Variants in GPR158 observed in about 807,000 individuals in gnomAD.
The protein encoded by GPR158 is metabotropic glycine receptor.
In GPR158, 30 loss-of-function variants were observed where a neutral mutation model predicts 78.2. The ratio of observed to expected loss-of-function variants is 0.38; its 90% CI spans 0.29 to 0.52. The LOEUF is 0.52. Ranked by LOEUF, GPR158 falls within the 20% of genes least tolerant of loss-of-function variation. The pLI is 0.83. For synonymous variants in GPR158, 581 were observed against 591.1 expected (o/e 0.98, Z 0.25); for missense variants, 1,463 against 1,523.5 (o/e 0.96, Z 0.66).
At chr10:25,360,250 T>A (rs1051635986) in intron 2 of GPR158, among the ~76,000 whole-genome samples, 1 of 152,224 alleles carries the variant, frequency 6.6e-6, no homozygotes, top group African/African-American at 2.4e-5. Context: ...AGTTCTTTAG[T>A]TTAATTAGAT....
intron 2 of GPR158, among the ~76,000 whole-genome samples, chr10:25,249,702 G>C (rs1255026483): frequency 1.3e-5 from 2 of 151,944 alleles, no homozygotes; most frequent in South Asian, 4.2e-4. Context: ...TGTGCTGCTG[G>C]ATTCGGTTTG....
At chr10:25,255,772 G>A (rs1307922536) in intron 2 of GPR158, among the ~76,000 whole-genome samples, 1 of 152,102 alleles carries the variant, frequency 6.6e-6, no homozygotes, top group Non-Finnish European at 1.5e-5. Context: ...ATTAAGTTAG[G>A]CCATCCAGGA....
chr10:25,221,267 A>G (rs1367790379), intron 2 of GPR158, 110 bp downstream of exon 2: 4 of 609,458 alleles, frequency 6.6e-6, no homozygotes, highest in African/African-American at 5.6e-5. Flanking sequence ...AAGAAAATCT[A>G]TGTAGGTCTC....
chr10:25,509,428 A>T (rs1199670132), intron 5 of GPR158, among the ~76,000 whole-genome samples: 1 of 152,168 alleles, frequency 6.6e-6, no homozygotes, highest in Non-Finnish European at 1.5e-5. Flanking sequence ...CTGACAAGCT[A>T]CTGCAGAAAT....
intron 2 of GPR158, among the ~76,000 whole-genome samples, chr10:25,299,384 T>G (rs1373713799): frequency 6.6e-6 from 1 of 152,194 alleles, no homozygotes; most frequent in East Asian, 1.9e-4. Context: ...CTTTGACCAA[T>G]ATTGTCCTAT....
chr10:25,443,823 C>A (rs1835102023), intron 4 of GPR158, among the ~76,000 whole-genome samples: 1 of 151,984 alleles, frequency 6.6e-6, no homozygotes, highest in Non-Finnish European at 1.5e-5. Context: ...CCCATGTAGT[C>A]AGCTCCTGTT....
Position 25,282,277 on chromosome 10 carries a change from TATTC to T in GPR158, c.1008+61127_1008+61130del, listed in dbSNP as rs1226400243. The stretch of plus-strand genomic sequence containing the variant: ...CTTTTATTTATCATAATCCATGAGA[TATTC>T]ATTCATATTGTTGTATGTGTTAATA... On this transcript the variant is annotated intron_variant, in intron 2 of 10. Transcript: ENST00000376351. Among the ~76,000 whole-genome samples the T allele has an allele frequency of 4.2e-4, 64 of 152,320 alleles. 3 individuals are homozygous for T. The highest frequency in any genetic ancestry group is 1.5e-3 in the African/African-American group (63 of 41,586).
chr10:25,580,899 TA>T (rs1281983320), intron 7 of GPR158, among the ~76,000 whole-genome samples: 18 of 139,546 alleles, frequency 1.3e-4, no homozygotes, highest in Non-Finnish European at 1.4e-4. Flanking sequence ...CTAATTTTTT[TA>T]TTTTTTTATT....
intron 2 of GPR158, among the ~76,000 whole-genome samples, chr10:25,337,259 T>A (rs960550355): frequency 6.6e-6 from 1 of 152,082 alleles, no homozygotes; most frequent in Non-Finnish European, 1.5e-5. Context: ...TAAACCACCA[T>A]CCAGATCAAC....
chr10:25,480,038 A>G (rs1202298877), intron 5 of GPR158, among the ~76,000 whole-genome samples: 1 of 151,744 alleles, frequency 6.6e-6, no homozygotes, highest in African/African-American at 2.4e-5. Context: ...TTTCTCCTCT[A>G]CATCCCTGCT....
At chr10:25,448,658 G>C (rs1470062948) in intron 4 of GPR158, among the ~76,000 whole-genome samples, 1 of 152,202 alleles carries the variant, frequency 6.6e-6, no homozygotes, top group Non-Finnish European at 1.5e-5. Flanking sequence ...CCACAGGGCA[G>C]ATGTGTGTTT....
chr10:25,316,931 G>GTATATA (rs758461572), intron 2 of GPR158, among the ~76,000 whole-genome samples: 1 of 95,640 alleles, frequency 1.0e-5, no homozygotes, highest in African/African-American at 3.1e-5. Context: ...GTGTATGTGT[G>GTATATA]TGTATATATA....
chr10:25,241,311 T>TTTCTCTTCTCTTCTC lies in GPR158; in HGVS notation c.1008+20167_1008+20181dup, dbSNP rs760852108. On this transcript the variant is annotated intron_variant, in intron 2 of 10. Transcript: ENST00000376351. ...TTTCTTTTCTTTTCTTTTCTTTTCT[T>TTTCTCTTCTCTTCTC]TTCTCTTCTCTTCTCTTCTCTTCTC... Among the ~76,000 whole-genome samples the TTTCTCTTCTCTTCTC allele has an allele frequency of 7.8e-3, 820 of 104,552 alleles. 70 individuals carry two copies. Among genetic ancestry groups the TTTCTCTTCTCTTCTC allele is most frequent in the African/African-American group, 0.034 (768 of 22,802 alleles). The allele number at this position is 104,552 out of a possible 152,430, so 68.6% of individuals were successfully genotyped here.
intron 6 of GPR158, among the ~76,000 whole-genome samples, chr10:25,561,703 G>T (rs1836862757): frequency 7.1e-6 from 1 of 140,620 alleles, no homozygotes. Flanking sequence ...TAGGGAACAG[G>T]TGTTTATGCT....
intron 2 of GPR158, among the ~76,000 whole-genome samples, chr10:25,263,345 A>G (rs998157802): frequency 2.6e-5 from 4 of 152,182 alleles, no homozygotes; most frequent in Admixed American, 6.5e-5. Context: ...GACTGTATTT[A>G]GGTGGGCTGT....
At chr10:25,360,274 T>C (rs1855615180) in intron 2 of GPR158, among the ~76,000 whole-genome samples, 1 of 152,234 alleles carries the variant, frequency 6.6e-6, no homozygotes, top group East Asian at 1.9e-4. Flanking sequence ...ATTTGTCAAT[T>C]TTGGCTTTTG....
intron 5 of GPR158, among the ~76,000 whole-genome samples, chr10:25,530,502 A>G (rs1836409148): frequency 1.3e-5 from 2 of 152,178 alleles, no homozygotes; most frequent in African/African-American, 4.8e-5. Flanking sequence ...ATCTGCAGCT[A>G]AGCGTCCTTG....
Position 25,507,972 on chromosome 10 carries a change from G to T in GPR158, c.1404+41253G>T, listed in dbSNP as rs191978435. On this transcript the variant is annotated intron_variant, in intron 5 of 10. Transcript: ENST00000376351. ...TTTTAAGTTAGTCATTTTCATGACAGAAATTTTATAAGGACGGTTTTTTAA... is the reference window on the plus strand; with the variant it reads ...TTTTAAGTTAGTCATTTTCATGACATAAATTTTATAAGGACGGTTTTTTAA... Among the ~76,000 whole-genome samples the T allele has an allele frequency of 9.7e-4, 148 of 152,214 alleles. 1 individual carries two copies. Among genetic ancestry groups the T allele is most frequent in the African/African-American group, 3.2e-3 (134 of 41,518 alleles).
At chr10:25,515,985 A>G (rs1461906330) in intron 5 of GPR158, among the ~76,000 whole-genome samples, 2 of 150,438 alleles carry the variant, frequency 1.3e-5, no homozygotes, top group Admixed American at 6.6e-5. Context: ...CAGTCCCACC[A>G]ACAGTGTAAA....
Sources: gnomAD v4.1 joint callset for allele counts (sites outside exome capture counted in the v4.1 genomes callset) on GRCh38, gnomAD v4.1.1 for gene constraint, MANE v1.5 for transcripts, NCBI Gene and HGNC (gene_info 2026-07-23, HGNC 2026-07-21) for gene names.